Variants in ST18 observed in about 807,000 individuals in gnomAD.
The protein encoded by ST18 is suppression of tumorigenicity 18 protein.
A neutral mutation model predicts 110.0 loss-of-function variants in ST18; 50 were observed. The observed-to-expected ratio is 0.45, with a 90% confidence interval of 0.36 to 0.58. The LOEUF is 0.58. ST18 is among the 20% of genes least tolerant of loss of function. The probability of loss-of-function intolerance (pLI) is 0.00; values close to 1 mark genes in which losing one functional copy is unlikely to be tolerated. For missense variants in ST18, 1,306 were observed against 1,280.1 expected (o/e 1.02, Z -0.31); for synonymous variants, 461 against 452.4 (o/e 1.02, Z -0.24).
At chr8:52,135,761 A>G (rs187227871) in intron 19 of ST18, among the ~76,000 whole-genome samples, 1 of 152,188 alleles carries the variant, frequency 6.6e-6, no homozygotes, top group African/African-American at 2.4e-5. Context: ...AAACAGCTTA[A>G]AAAAGTGAAG....
At chr8:52,169,936 T>A (rs970764686) in intron 10 of ST18, among the ~76,000 whole-genome samples, 1 of 152,072 alleles carries the variant, frequency 6.6e-6, no homozygotes, top group Non-Finnish European at 1.5e-5. Context: ...AAACACAGAT[T>A]ATATGTCCTG....
intron 2 of ST18, among the ~76,000 whole-genome samples, chr8:52,267,313 C>T (rs576065512): frequency 1.4e-4 from 21 of 151,714 alleles, no homozygotes; most frequent in South Asian, 8.4e-4. Context: ...TGGAACCGTC[C>T]GGGAATATGT....
At chr8:52,298,414 T>A (rs2095666278) in intron 2 of ST18, among the ~76,000 whole-genome samples, 1 of 152,210 alleles carries the variant, frequency 6.6e-6, no homozygotes, top group Non-Finnish European at 1.5e-5. Context: ...ATGGTCATGA[T>A]TCAAAACAAA....
At chr8:52,322,098 G>A (rs1804205896) in intron 2 of ST18, among the ~76,000 whole-genome samples, 1 of 152,206 alleles carries the variant, frequency 6.6e-6, no homozygotes, top group South Asian at 2.1e-4. Context: ...ATGGAAGTGG[G>A]CTTCTAACAA....
At chr8:52,290,288 A>G (rs752913898) in intron 2 of ST18, among the ~76,000 whole-genome samples, 1 of 152,076 alleles carries the variant, frequency 6.6e-6, no homozygotes, top group Non-Finnish European at 1.5e-5. Flanking sequence ...TGGGCTGGGC[A>G]TTTGACAGGA....
At chr8:52,366,363 C>T (rs1053827070) in intron 2 of ST18, among the ~76,000 whole-genome samples, 5 of 152,154 alleles carry the variant, frequency 3.3e-5, no homozygotes, top group African/African-American at 7.2e-5. Flanking sequence ...CCATGTTTCC[C>T]GCTCTCCTCA....
At chr8:52,190,016 G>A (rs904988997) in intron 8 of ST18, among the ~76,000 whole-genome samples, 1 of 152,168 alleles carries the variant, frequency 6.6e-6, no homozygotes. Flanking sequence ...GCAAACATTA[G>A]TACAGGTTGG....
intron 22 of ST18, among the ~76,000 whole-genome samples, chr8:52,130,007 C>T (rs1015352774): frequency 1.3e-5 from 2 of 151,012 alleles, no homozygotes; most frequent in African/African-American, 4.9e-5. Context: ...GTCGAGCCCA[C>T]TGCACTCCAG....
intron 2 of ST18, among the ~76,000 whole-genome samples, chr8:52,350,432 G>A (rs1819770171): frequency 6.6e-6 from 1 of 152,118 alleles, no homozygotes; most frequent in Admixed American, 6.5e-5. Flanking sequence ...GACACCCACA[G>A]CTAGGAAATT....
At chr8:52,134,170 T>C (rs2051000003) in intron 19 of ST18, among the ~76,000 whole-genome samples, 1 of 152,204 alleles carries the variant, frequency 6.6e-6, no homozygotes, top group Non-Finnish European at 1.5e-5. Context: ...AGAACCTCAA[T>C]AATTTGCACC....
intron 2 of ST18, among the ~76,000 whole-genome samples, chr8:52,366,658 C>T (rs1828075942): frequency 6.6e-6 from 1 of 152,172 alleles, no homozygotes; most frequent in African/African-American, 2.4e-5. Flanking sequence ...CCTGCCTTCC[C>T]TTATGTGAAC....
At chr8:52,306,871 C>T (rs555152789) in intron 2 of ST18, among the ~76,000 whole-genome samples, 110 of 152,246 alleles carry the variant, frequency 7.2e-4, no homozygotes, top group African/African-American at 2.4e-3. Flanking sequence ...GTAACTTTTG[C>T]ACCAACCTAA....
intron 3 of ST18, among the ~76,000 whole-genome samples, chr8:52,222,871 T>C (rs1323836301): frequency 6.6e-6 from 1 of 152,232 alleles, no homozygotes; most frequent in Non-Finnish European, 1.5e-5. Flanking sequence ...AACCTAAGAC[T>C]TAGAATCTTG....
At chr8:52,304,437 A>G (rs936440390) in intron 2 of ST18, among the ~76,000 whole-genome samples, 5 of 152,292 alleles carry the variant, frequency 3.3e-5, no homozygotes, top group Admixed American at 3.3e-4. Flanking sequence ...TATTAATTTA[A>G]GCAGTTAGAT....
chr8:52,159,027 G>A lies in ST18; in HGVS notation c.1677C>T (p.Ser559=), dbSNP rs1321042205. Residue 559 remains serine, a synonymous_variant, in exon 15 of 26, where the codon AGC becomes AGT. Transcript: ENST00000689386. ...CACTACATTGACCGTAGCTATAAGA[G>A]CTGGCACGGCCAGGGCTCTGGGTGT... is the stretch of plus-strand genomic sequence containing the variant. ...GAHTQSPGRA[S]SYSYGQCSED... 1.9e-6 allele frequency: 3 copies of A among 1,614,060 alleles called. No homozygotes were observed. In the African/African-American group the frequency reaches 4.0e-5, roughly 22 times the overall value.
chr8:52,280,807 G>T (rs1213306284), intron 2 of ST18, among the ~76,000 whole-genome samples: 1 of 151,980 alleles, frequency 6.6e-6, no homozygotes, highest in Non-Finnish European at 1.5e-5. Context: ...AATCCTTCCA[G>T]TAACTGATTG....
chr8:52,195,113 T>C (rs1272234374), intron 8 of ST18, among the ~76,000 whole-genome samples: 2 of 152,198 alleles, frequency 1.3e-5, no homozygotes, highest in Non-Finnish European at 2.9e-5. Context: ...GGATTAGCTA[T>C]ACAATATAGA....
At chr8:52,232,936 G>A (rs1200173131) in intron 2 of ST18, among the ~76,000 whole-genome samples, 1 of 151,990 alleles carries the variant, frequency 6.6e-6, no homozygotes, top group Admixed American at 6.6e-5. Context: ...TAGTTCTCCA[G>A]TAAAGCTGGG....
In ST18 at chr8:52,111,840, A is replaced by T. The variant is rs2040620562; in HGVS notation, c.*1358T>A. On this transcript the variant is annotated 3_prime_UTR_variant, in exon 26 of 26. Coordinates refer to ENST00000689386, the MANE Select transcript of ST18 (RefSeq NM_001352837.2). ...AAAAAAACTTTTGAAACAATGCTTA[A>T]CTACTTTACAATCCCTGAAATAGAC... 6.6e-6 allele frequency: 1 copy of T among 152,624 alleles called. No homozygotes were observed. The highest frequency in any genetic ancestry group is 1.5e-5 in the Non-Finnish European group (1 of 68,036). The allele number at this position is 152,624 out of a possible 1,614,324, so 9.5% of individuals were successfully genotyped here.
Sources: gnomAD v4.1 joint callset for allele counts (sites outside exome capture counted in the v4.1 genomes callset) on GRCh38, gnomAD v4.1.1 for gene constraint, MANE v1.5 for transcripts, NCBI Gene and HGNC (gene_info 2026-07-23, HGNC 2026-07-21) for gene names.